The following MYO7B variants were observed in gnomAD, a reference collection of about 807,000 sequenced individuals.
MYO7B encodes myosin VIIB, also known as unconventional myosin-VIIb.
MYO7B carries 212 observed loss-of-function variants against 259.7 expected under a neutral mutation model. The ratio of observed to expected loss-of-function variants is 0.82; its 90% CI spans 0.73 to 0.91. The LOEUF is 0.91. Among genes scored for constraint, MYO7B ranks in the 40% least tolerant of loss-of-function variants. MYO7B has a pLI of 0.00. For missense variants in MYO7B, 2,732 were observed against 2,813.5 expected, an observed-to-expected ratio of 0.97 and a Z score of 0.66; for synonymous variants, 1,197 against 1,166.4, an observed-to-expected ratio of 1.03 and a Z score of -0.54.
In MYO7B at chr2:127,592,803, C is replaced by T. The variant is rs1164842409; in HGVS notation, c.2002C>T (p.Arg668Trp). The T allele has an allele frequency of 1.2e-6, 2 of 1,609,956 alleles. No homozygotes were observed. The highest frequency in any genetic ancestry group is 1.7e-6 in the Non-Finnish European group (2 of 1,178,800). The change falls in exon 17 of 48, where the codon CGG becomes TGG. Residue 668 changes from arginine to tryptophan, a missense_variant. By Grantham distance (101) the Arg-to-Trp change is moderately radical (BLOSUM62 -3). Coordinates refer to ENST00000409816, the MANE Select transcript of MYO7B (RefSeq NM_001393586.1). ...CGGTGTCCGCCCACAGCTGTTCGAC[C>T]GGGAGCTGTGCCTGCGGCAGCTGCG... ...NEYKKPLLFD[R>W]ELCLRQLRYS...
chr2:127,623,361 G>A lies in MYO7B; in HGVS notation c.3805G>A (p.Ala1269Thr), dbSNP rs182704605. 2.8e-5 allele frequency: 44 copies of A among 1,594,282 alleles called. No homozygotes were observed. Among genetic ancestry groups the A allele is most frequent in the Middle Eastern group, 1.7e-4 (1 of 5,980 alleles). ...CCACCTGGGCTTCTCCCTCCAGGTC[G>A]CCGTGTACGACAAGGTACCAGCCAG... is the stretch of plus-strand genomic sequence containing the variant. ...SDHLGFSLQVAVYDKFWSLGS... is the reference protein window; with the variant it reads ...SDHLGFSLQVTVYDKFWSLGS... Residue 1269 changes from alanine (A) to threonine (T), a missense_variant, in exon 29 of 48, where the codon GCC (alanine) becomes ACC (threonine). Physicochemically the swap from Ala to Thr is moderately conservative, Grantham distance 58. Around this residue, in one of 3 missense-constraint regions of MYO7B, gnomAD observed 1,906 missense variants for 2,026.4 expected, o/e 0.94. Coordinates refer to ENST00000409816, the MANE Select transcript of MYO7B (RefSeq NM_001393586.1).
chr2:127,607,519 C>G lies in MYO7B; in HGVS notation c.2643+95C>G, dbSNP rs1387469177. ...GTGAGCGGCTGTGTAGAGAGCTCAC[C>G]AGAAGCGCTTTGGAAAATCCCCCCG... On this transcript the variant is annotated intron_variant, in intron 21 of 47. Coordinates refer to ENST00000409816, the MANE Select transcript of MYO7B (RefSeq NM_001393586.1). This position sits in a 1 kb window ranked among gnomAD's most constrained non-coding sequence, Gnocchi z 4.4. The G allele has an allele frequency of 4.5e-6, 5 of 1,110,262 alleles. No homozygotes were observed. Among genetic ancestry groups the G allele is most frequent in the South Asian group, 1.6e-5 (1 of 62,544 alleles). The allele number at this position is 1,110,262 out of a possible 1,614,324, so 68.8% of individuals were successfully genotyped here.
chr2:127,626,256 A>C (rs1342465621), intron 31 of MYO7B: 1 of 152,380 alleles, frequency 6.6e-6, no homozygotes, highest in Non-Finnish European at 1.5e-5. Context: ...GAAGAGCTCC[A>C]GAGAAGAAAG....
chr2:127,631,032 A>T (rs1681468892), intron 36 of MYO7B, 124 bp downstream of exon 36: 1 of 1,374,374 alleles, frequency 7.3e-7, no homozygotes, highest in African/African-American at 1.5e-5. Context: ...CAGAGAGGCC[A>T]CGCCACCCAT....
chr2:127,612,664 G>GC, intron 26 of MYO7B, 61 bp downstream of exon 26: 2 of 1,577,148 alleles, frequency 1.3e-6, no homozygotes. Flanking sequence ...CTGGCTCTCA[G>GC]CCCATGGCCA....
At chr2:127,551,115 T>C (rs1693429504) in intron 1 of MYO7B, among the ~76,000 whole-genome samples, 1 of 151,794 alleles carries the variant, frequency 6.6e-6, no homozygotes, top group East Asian at 1.9e-4. Flanking sequence ...AAAAGTATAT[T>C]CTCCACTGTT....
chr2:127,568,795 G>A (rs12478238), intron 5 of MYO7B, among the ~76,000 whole-genome samples: 56,939 of 151,610 alleles, frequency 0.38, 12,451 homozygotes, highest in East Asian at 0.61. Flanking sequence ...TACTCAGGAG[G>A]GTGAGGCAGG....
Position 127,635,719 on chromosome 2 carries a change from C to T in MYO7B, c.5821-3C>T. The T allele has an allele frequency of 6.3e-7, 1 of 1,598,784 alleles. No individual in the cohort carries two copies. Among genetic ancestry groups the T allele is most frequent in the Non-Finnish European group, 8.5e-7 (1 of 1,173,078 alleles). The stretch of plus-strand genomic sequence containing the variant: ...CAGCATGCCCAGTGTGTCCATCACC[C>T]AGGAGCTGCCCAAGTACCTGCGCGG... On this transcript the variant is annotated splice_polypyrimidine_tract_variant and splice_region_variant and intron_variant, in intron 43 of 47. Coordinates refer to ENST00000409816, the MANE Select transcript of MYO7B (RefSeq NM_001393586.1).
chr2:127,559,887 T>C lies in MYO7B; in HGVS notation c.18+147T>C. 1 of 971,494 alleles carries C rather than the reference T, an allele frequency of 1.0e-6. No individual in the cohort carries two copies. The highest frequency in any genetic ancestry group is 1.6e-6 in the Non-Finnish European group (1 of 616,366). The allele number at this position is 971,494 out of a possible 1,614,324, so 60.2% of individuals were successfully genotyped here. ...GGAGTTTAGGAAACACGACAGATTCTAGCATCTAAAGAAAACAAGTTTGGC... is the reference window on the plus strand; with the variant it reads ...GGAGTTTAGGAAACACGACAGATTCCAGCATCTAAAGAAAACAAGTTTGGC... On this transcript the variant is annotated intron_variant, in intron 2 of 47. Transcript: ENST00000409816. The surrounding 1 kb of genome is among the most constrained non-coding windows in gnomAD (Gnocchi z 4.1).
intron 1 of MYO7B, among the ~76,000 whole-genome samples, chr2:127,551,460 T>G (rs1233806278): frequency 6.6e-6 from 1 of 152,112 alleles, no homozygotes; most frequent in Non-Finnish European, 1.5e-5. Flanking sequence ...GGCTGAGAGA[T>G]CTTAGAGAGA....
intron 6 of MYO7B, 32 bp from the exon 7 acceptor site, chr2:127,573,888 T>TTA: frequency 1.2e-6 from 2 of 1,613,464 alleles, no homozygotes; most frequent in Non-Finnish European, 1.7e-6. Flanking sequence ...TCCTCTCTGC[T>TTA]CCCATCATGG....
At chr2:127,550,118 T>C (rs1693390780) in intron 1 of MYO7B, among the ~76,000 whole-genome samples, 1 of 152,166 alleles carries the variant, frequency 6.6e-6, no homozygotes, top group African/African-American at 2.4e-5. Flanking sequence ...GGCTCTGGCT[T>C]GGACCACATG....
chr2:127,583,759 C>T (rs578102648), intron 12 of MYO7B, among the ~76,000 whole-genome samples: 28 of 152,266 alleles, frequency 1.8e-4, no homozygotes, highest in Non-Finnish European at 3.7e-4. Context: ...CCAAGGCTCA[C>T]GGGTAGGGCT....
rs978232896 is a variant in MYO7B at position 127,607,543 on chromosome 2, C to T, written c.2643+119C>T. The T allele has an allele frequency of 2.3e-5, 19 of 813,388 alleles. No individual in the cohort carries two copies. The highest frequency in any genetic ancestry group is 1.6e-4 in the African/African-American group (9 of 57,994). 50.4% of individuals were successfully genotyped at this position (813,388 alleles called of 1,614,324 possible). A position where few individuals can be genotyped will look rare whatever the true frequency, so the allele number is the denominator to read the frequency against. On this transcript the variant is annotated intron_variant, in intron 21 of 47. Transcript: ENST00000409816. This position sits in a 1 kb window ranked among gnomAD's most constrained non-coding sequence, Gnocchi z 4.4. ...CCAGAAGCGCTTTGGAAAATCCCCC[C>T]GCCCCCGCCACAAGCCAAGACGTTA... is the stretch of plus-strand genomic sequence containing the variant.
chr2:127,606,908 A>G (rs762743644), intron 20 of MYO7B, among the ~76,000 whole-genome samples: 20 of 152,324 alleles, frequency 1.3e-4, no homozygotes, highest in Non-Finnish European at 2.8e-4. Context: ...CATTTCACCC[A>G]TGTGAAATCC....
intron 19 of MYO7B, among the ~76,000 whole-genome samples, chr2:127,605,116 A>G (rs923241298): frequency 2.0e-5 from 3 of 152,254 alleles, no homozygotes; most frequent in Non-Finnish European, 4.4e-5. Context: ...CTCTATATGC[A>G]CTGAGCTTGC....
intron 1 of MYO7B, among the ~76,000 whole-genome samples, chr2:127,544,815 C>T (rs1049218538): frequency 1.3e-5 from 2 of 151,998 alleles, no homozygotes; most frequent in African/African-American, 2.4e-5. Context: ...CTCCTGACCT[C>T]GTGATCCACC....
chr2:127,622,934 C>G (rs1204927175), intron 28 of MYO7B, among the ~76,000 whole-genome samples: 1 of 152,234 alleles, frequency 6.6e-6, no homozygotes, highest in African/African-American at 2.4e-5. Context: ...AGGCTGCCCC[C>G]ACTGGAGGTC....
At chr2:127,629,884 C>G in intron 35 of MYO7B, 58 bp downstream of exon 35, 5 of 1,454,390 alleles carry the variant, frequency 3.4e-6, no homozygotes, top group Non-Finnish European at 4.5e-6. Context: ...GTGGAGCAGT[C>G]CTGGGATGCC....
Sources: allele counts gnomAD v4.1 joint callset (sites outside exome capture counted in the v4.1 genomes callset), GRCh38; gene constraint gnomAD v4.1.1; regional missense constraint gnomAD v4.1.1; non-coding constraint Gnocchi (gnomAD v3.1); transcripts MANE v1.5; gene names NCBI Gene and HGNC (gene_info 2026-07-23, HGNC 2026-07-21).